Variants in MGMT observed in about 807,000 individuals in gnomAD.
The protein encoded by MGMT is methylated-DNA--protein-cysteine methyltransferase.
In MGMT, 14 loss-of-function variants were observed where a neutral mutation model predicts 15.9. The observed-to-expected ratio is 0.88, with a 90% CI of 0.58 to 1.37. The LOEUF (loss-of-function observed/expected upper bound fraction) is 1.37, where lower values mean the gene tolerates loss of function less well. MGMT is among the 40% of genes most tolerant of loss of function. MGMT has a pLI of 0.00. For synonymous variants in MGMT, 130 were observed against 118.2 expected, an observed-to-expected ratio of 1.10 and a Z score of -0.65; for missense variants, 282 against 268.1, an observed-to-expected ratio of 1.05 and a Z score of -0.36.
In MGMT at chr10:129,536,164, C is replaced by T. The variant is rs913890071; in HGVS notation, c.-12-77C>T. On this transcript the variant is annotated intron_variant, in intron 1 of 4. Coordinates refer to ENST00000651593, the MANE Select transcript of MGMT (RefSeq NM_002412.5). ...GAATATATTTTGTGTCTTAAATAAC[C>T]AGTACTTCTGTTGTGTGTTTTATAT... The T allele has an allele frequency of 4.1e-6, 6 of 1,467,306 alleles. No individual in the cohort carries two copies. In the Admixed American group the frequency reaches 1.1e-4, roughly 26 times the overall value. 90.9% of individuals were successfully genotyped at this position (1,467,306 alleles called of 1,614,324 possible). A position where few individuals can be genotyped will look rare whatever the true frequency, so the allele number is the denominator to read the frequency against.
chr10:129,576,148 C>A (rs1846479983), intron 2 of MGMT, among the ~76,000 whole-genome samples: 1 of 152,198 alleles, frequency 6.6e-6, no homozygotes, highest in Admixed American at 6.5e-5. Context: ...CTATTCCAAT[C>A]AATAGACAAA....
At chr10:129,639,549 G>T (rs1847303425) in intron 2 of MGMT, among the ~76,000 whole-genome samples, 1 of 152,172 alleles carries the variant, frequency 6.6e-6, no homozygotes, top group Admixed American at 6.5e-5. Flanking sequence ...CAAAGGCCAA[G>T]ATGTGGAAAA....
At chr10:129,512,753 A>G (rs1845698143) in intron 1 of MGMT, among the ~76,000 whole-genome samples, 1 of 152,180 alleles carries the variant, frequency 6.6e-6, no homozygotes, top group Admixed American at 6.5e-5. Context: ...CGTTTATGAT[A>G]AGTGTTGGTG....
intron 1 of MGMT, among the ~76,000 whole-genome samples, chr10:129,516,315 G>A (rs1048207462): frequency 1.3e-5 from 2 of 152,192 alleles, no homozygotes; most frequent in Non-Finnish European, 2.9e-5. Context: ...TCACCAAATA[G>A]GGAATTCTTT....
At chr10:129,470,740 G>C (rs1348762672) in intron 1 of MGMT, among the ~76,000 whole-genome samples, 2 of 152,182 alleles carry the variant, frequency 1.3e-5, no homozygotes, top group Non-Finnish European at 2.9e-5. Flanking sequence ...GTGAAACTTG[G>C]TTTTGACACC....
At chr10:129,527,574 T>C (rs1564843059) in intron 1 of MGMT, among the ~76,000 whole-genome samples, 1 of 147,232 alleles carries the variant, frequency 6.8e-6, no homozygotes, top group Non-Finnish European at 1.5e-5. Flanking sequence ...GTGTAGTAGG[T>C]GGTCGGCTCT....
At chr10:129,488,718 T>C (rs1793100132) in intron 1 of MGMT, among the ~76,000 whole-genome samples, 1 of 152,206 alleles carries the variant, frequency 6.6e-6, no homozygotes, top group African/African-American at 2.4e-5. Flanking sequence ...AGTCTGCAGC[T>C]CATTTGAAAT....
intron 2 of MGMT, among the ~76,000 whole-genome samples, chr10:129,631,981 C>T (rs1453235176): frequency 2.6e-5 from 4 of 152,318 alleles, no homozygotes; most frequent in African/African-American, 9.6e-5. Context: ...TAGCAGTCCT[C>T]CCACCTTGGC....
chr10:129,614,839 A>G (rs1847004489), intron 2 of MGMT, among the ~76,000 whole-genome samples: 1 of 152,146 alleles, frequency 6.6e-6, no homozygotes. Context: ...TATGTTGTTC[A>G]TTTCAGGCCC....
intron 3 of MGMT, among the ~76,000 whole-genome samples, chr10:129,728,946 C>A (rs1283331181): frequency 1.3e-5 from 2 of 152,180 alleles, no homozygotes; most frequent in Non-Finnish European, 1.5e-5. Flanking sequence ...CACACTGGGT[C>A]TTTTCCCCAT....
At chr10:129,751,853 A>G (rs766383442) in intron 3 of MGMT, among the ~76,000 whole-genome samples, 2 of 151,934 alleles carry the variant, frequency 1.3e-5, no homozygotes, top group Admixed American at 6.6e-5. Context: ...GTCTAATTCC[A>G]TTATGATCAG....
chr10:129,552,517 C>T (rs1051900609), intron 2 of MGMT, among the ~76,000 whole-genome samples: 3 of 152,204 alleles, frequency 2.0e-5, no homozygotes, highest in Non-Finnish European at 2.9e-5. Context: ...TACATGTTCA[C>T]GTGAGTGTGT....
intron 2 of MGMT, among the ~76,000 whole-genome samples, chr10:129,546,606 G>T (rs898077405): frequency 6.6e-6 from 1 of 152,176 alleles, no homozygotes; most frequent in African/African-American, 2.4e-5. Context: ...GAGACTGAAG[G>T]AAAACCAAGA....
At chr10:129,521,858 C>T (rs949089524) in intron 1 of MGMT, among the ~76,000 whole-genome samples, 1 of 152,224 alleles carries the variant, frequency 6.6e-6, no homozygotes, top group South Asian at 2.1e-4. Flanking sequence ...GTACAGGAGT[C>T]GCAGCTCCAG....
At chr10:129,573,695 A>G (rs191286379) in intron 2 of MGMT, among the ~76,000 whole-genome samples, 76 of 152,264 alleles carry the variant, frequency 5.0e-4, no homozygotes, top group African/African-American at 1.8e-3. Context: ...TATCTTTTGA[A>G]TTACTCGACT....
At chr10:129,698,390 GCA>G (rs1437190644) in intron 2 of MGMT, among the ~76,000 whole-genome samples, 1 of 152,166 alleles carries the variant, frequency 6.6e-6, no homozygotes, top group East Asian at 1.9e-4. Flanking sequence ...GTTTAATAAT[GCA>G]CAGTTGCCTA....
intron 2 of MGMT, among the ~76,000 whole-genome samples, chr10:129,582,637 G>A (rs1026718574): frequency 1.3e-5 from 2 of 151,898 alleles, no homozygotes; most frequent in South Asian, 2.1e-4. Context: ...GAATTTTAGT[G>A]TAGGTGATCT....
At chr10:129,570,604 GT>G (rs1381578414) in intron 2 of MGMT, among the ~76,000 whole-genome samples, 2 of 152,226 alleles carry the variant, frequency 1.3e-5, no homozygotes, top group African/African-American at 4.8e-5. Context: ...AACATAATGA[GT>G]TCTGTTTTTC....
intron 2 of MGMT, among the ~76,000 whole-genome samples, chr10:129,640,815 CAATT>C (rs934638469): frequency 2.4e-4 from 37 of 152,232 alleles, no homozygotes; most frequent in African/African-American, 7.5e-4. Flanking sequence ...CAGTATTTCA[CAATT>C]AATCAGTTTA....
Sources: gnomAD v4.1 joint callset for allele counts (sites outside exome capture counted in the v4.1 genomes callset) on GRCh38, gnomAD v4.1.1 for gene constraint, MANE v1.5 for transcripts, NCBI Gene and HGNC (gene_info 2026-07-23, HGNC 2026-07-21) for gene names.